Variants in CCT3 observed in about 807,000 individuals in gnomAD.
The protein encoded by CCT3 is chaperonin containing TCP1 subunit 3.
CCT3 carries 10 observed loss-of-function variants against 65.3 expected under a neutral mutation model. The observed-to-expected ratio is 0.15, with a 90% CI of 0.09 to 0.26. The LOEUF (loss-of-function observed/expected upper bound fraction) is 0.26, where lower values mean the gene tolerates loss of function less well. CCT3 is among the 10% of genes least tolerant of loss of function. The pLI, the probability that CCT3 is intolerant of heterozygous loss-of-function variation, is 1.00. For missense variants in CCT3, 626 were observed against 708.7 expected, an observed-to-expected ratio of 0.88 and a Z score of 1.33; for synonymous variants, 225 against 242.3, an observed-to-expected ratio of 0.93 and a Z score of 0.66.
intron 5 of CCT3, among the ~76,000 whole-genome samples, chr1:156,329,178 A>G (rs1664995224): frequency 6.6e-6 from 1 of 152,212 alleles, no homozygotes; most frequent in Non-Finnish European, 1.5e-5. Context: ...TAGAAGCAAT[A>G]GGCTATACCA....
intron 5 of CCT3, chr1:156,333,266 A>G (rs1002549616): frequency 1.2e-5 from 4 of 331,672 alleles, no homozygotes; most frequent in African/African-American, 6.8e-5. Context: ...ACACTCCAGC[A>G]TGGTGACAGA....
At chr1:156,331,474 G>T (rs1478299942) in intron 5 of CCT3, among the ~76,000 whole-genome samples, 1 of 152,112 alleles carries the variant, frequency 6.6e-6, no homozygotes, top group Non-Finnish European at 1.5e-5. Flanking sequence ...CCTGAGCTCA[G>T]GAGTTCGAGA....
chr1:156,325,688 C>T (rs1664772028), intron 5 of CCT3, among the ~76,000 whole-genome samples: 1 of 151,872 alleles, frequency 6.6e-6, no homozygotes. Flanking sequence ...AGCGATTTTC[C>T]CACCTCGGCC....
rs72320343 is a variant in CCT3, at chr1:156,326,673, G to GA, written c.305-1585dup. ...TCAAAAAAAAAAAAAAAAAGAAAAA[G>GA]AAAAAAAAAAGAAAATGTACACAAT... On this transcript the variant is annotated intron_variant, in intron 5 of 13. Coordinates refer to ENST00000295688, the MANE Select transcript of CCT3 (RefSeq NM_005998.5). 3.5e-4 allele frequency among the ~76,000 whole-genome samples: 49 copies of GA among 138,370 alleles called. 2 individuals are homozygous for GA. The highest frequency in any genetic ancestry group is 1.5e-3 in the Admixed American group (20 of 13,024). 90.8% of individuals were successfully genotyped at this position (138,370 alleles called of 152,430 possible).
chr1:156,331,706 T>G (rs1403247511), intron 5 of CCT3, among the ~76,000 whole-genome samples: 2 of 148,800 alleles, frequency 1.3e-5, no homozygotes, highest in Non-Finnish European at 3.0e-5. Flanking sequence ...AATAAATAAA[T>G]AAATAAATAA....
chr1:156,320,752 G>A (rs935074966), intron 7 of CCT3, 87 bp downstream of exon 7: 7 of 995,752 alleles, frequency 7.0e-6, no homozygotes, highest in South Asian at 3.1e-5. Context: ...ACAAAACAAC[G>A]GCATGAAAAA....
At chr1:156,325,540 G>GA (rs1247886943) in intron 5 of CCT3, among the ~76,000 whole-genome samples, 3 of 151,322 alleles carry the variant, frequency 2.0e-5, no homozygotes, top group Non-Finnish European at 2.9e-5. Context: ...AAAATAAAAT[G>GA]ATGAAAGACT....
Position 156,310,940 on chromosome 1 carries a change from A to G in CCT3, c.1401+10T>C. The G allele has an allele frequency of 6.2e-7, 1 of 1,611,550 alleles. No individual in the cohort carries two copies. The highest frequency in any genetic ancestry group is 8.5e-7 in the Non-Finnish European group (1 of 1,178,358). Reference sequence around the variant, plus strand: ...GCTCCATCAAGAGAAAAGCTTGGAGAGGAACTCACCCGAAGGGAGGTAAGT... The same window carrying G: ...GCTCCATCAAGAGAAAAGCTTGGAGGGGAACTCACCCGAAGGGAGGTAAGT... On this transcript the variant is annotated intron_variant, in intron 12 of 13. Transcript: ENST00000295688.
In CCT3 at chr1:156,319,865, G is replaced by A. The variant is rs997779082; in HGVS notation, c.610-848C>T. Among the ~76,000 whole-genome samples the A allele has an allele frequency of 5.3e-5, 8 of 152,168 alleles. No individual in the cohort carries two copies. In the East Asian group the frequency reaches 1.5e-3, roughly 29 times the overall value. ...AGTGGACAGGAGAGAAAGCTTTCTGGGGCTTACTATTTTAATAGCACTACA... is the reference window on the plus strand; with the variant it reads ...AGTGGACAGGAGAGAAAGCTTTCTGAGGCTTACTATTTTAATAGCACTACA... On this transcript the variant is annotated intron_variant, in intron 7 of 13. Coordinates refer to ENST00000295688, the MANE Select transcript of CCT3 (RefSeq NM_005998.5).
chr1:156,331,372 T>C (rs1416364825), intron 5 of CCT3, among the ~76,000 whole-genome samples: 2 of 152,134 alleles, frequency 1.3e-5, no homozygotes, highest in Non-Finnish European at 2.9e-5. Flanking sequence ...TTTAGGTATG[T>C]GGGCCAACAC....
chr1:156,330,808 A>C (rs1665069706), intron 5 of CCT3, among the ~76,000 whole-genome samples: 2 of 151,442 alleles, frequency 1.3e-5, no homozygotes, highest in Non-Finnish European at 2.9e-5. Flanking sequence ...CAGCTAACAG[A>C]AAGGCTGAGA....
rs764348997 is a variant in CCT3 at position 156,325,017 on chromosome 1, T to C, written c.377A>G (p.Tyr126Cys). The C allele has an allele frequency of 1.2e-6, 2 of 1,613,826 alleles. No individual in the cohort carries two copies. The highest frequency in any genetic ancestry group is 1.1e-5 in the South Asian group (1 of 91,084). Reference sequence around the variant, plus strand: ...GATCATATCATCCAATGCCTTGCGGTAAGCACTGATCACCACTGTTGGGTG... The same window carrying C: ...GATCATATCATCCAATGCCTTGCGGCAAGCACTGATCACCACTGTTGGGTG... ...QMHPTVVISAYRKALDDMIST... is the reference protein window; with the variant it reads ...QMHPTVVISACRKALDDMIST... Residue 126 changes from tyrosine (Y) to cysteine (C), a missense_variant, in exon 6 of 14, where the codon TAC (tyrosine) becomes TGC (cysteine). Tyr to Cys is a radical substitution (Grantham distance 194). Coordinates refer to ENST00000295688, the MANE Select transcript of CCT3 (RefSeq NM_005998.5).
intron 5 of CCT3, chr1:156,333,291 CAAAAAA>C (rs35038881): frequency 1.5e-4 from 35 of 238,488 alleles, no homozygotes; most frequent in East Asian, 2.6e-4. Flanking sequence ...GACTCTGTCT[CAAAAAA>C]AAAAAAAAAA....
intron 6 of CCT3, among the ~76,000 whole-genome samples, chr1:156,323,849 G>A (rs1157071107): frequency 1.3e-5 from 2 of 151,942 alleles, no homozygotes; most frequent in East Asian, 3.9e-4. Context: ...CACAAACTCC[G>A]CCTCCCGGGT....
chr1:156,334,850 A>G lies in CCT3; in HGVS notation c.144+18T>C, dbSNP rs762873618. 1 of 1,614,040 alleles carries G rather than the reference A, an allele frequency of 6.2e-7. No homozygotes were observed. The highest frequency in any genetic ancestry group is 1.7e-5 in the Admixed American group (1 of 60,020). ...AAAAAAATTGTAGCCTAAGAGTTTT[A>G]GGAAGAGATAAGCCTACCTTCATCA... On this transcript the variant is annotated intron_variant, in intron 3 of 13. Coordinates refer to ENST00000295688, the MANE Select transcript of CCT3 (RefSeq NM_005998.5).
Position 156,311,036 on chromosome 1 carries a change from C to T in CCT3, c.1315G>A (p.Ala439Thr). Residue 439 changes from alanine to threonine, a missense_variant, in exon 12 of 14, where the codon GCT becomes ACT. Physicochemically the swap from Ala to Thr is moderately conservative, Grantham distance 58. Transcript: ENST00000295688. ...MTGVEQWPYR[A>T]VAQALEVIPR... is the part of the protein sequence containing the mutation. ...ATGACCTCTAGGGCCTGGGCAACAG[C>T]CCTGTATGGCCATTGTTCCACACCA... The T allele has an allele frequency of 6.2e-7, 1 of 1,614,100 alleles. No homozygotes were observed.
chr1:156,327,863 C>A (rs1318648231), intron 5 of CCT3, among the ~76,000 whole-genome samples: 4 of 150,362 alleles, frequency 2.7e-5, no homozygotes, highest in Non-Finnish European at 5.9e-5. Flanking sequence ...GCCCGGCCGC[C>A]CATCGTCTGG....
At chr1:156,331,172 A>C (rs1459520679) in intron 5 of CCT3, among the ~76,000 whole-genome samples, 1 of 151,752 alleles carries the variant, frequency 6.6e-6, no homozygotes, top group African/African-American at 2.4e-5. Flanking sequence ...CAGAGGCTGC[A>C]GTGAGCTGAG....
At chr1:156,329,595 G>A (rs372603510) in intron 5 of CCT3, among the ~76,000 whole-genome samples, 70 of 149,948 alleles carry the variant, frequency 4.7e-4, no homozygotes, top group African/African-American at 1.4e-3. Context: ...GTAAGCCACC[G>A]CGCCCAGCCC....
Sources: gnomAD v4.1 joint callset for allele counts (sites outside exome capture counted in the v4.1 genomes callset) on GRCh38, gnomAD v4.1.1 for gene constraint, MANE v1.5 for transcripts, NCBI Gene and HGNC (gene_info 2026-07-23, HGNC 2026-07-21) for gene names.